The following SLC22A15 variants were observed in gnomAD, a reference collection of about 807,000 sequenced individuals.
SLC22A15 encodes the protein flipt 1.
In SLC22A15, 45 loss-of-function variants were observed where a neutral mutation model predicts 62.7. That is an observed-to-expected ratio of 0.72 (90% CI 0.56 to 0.92). SLC22A15 has a LOEUF of 0.92. Ranked by LOEUF, SLC22A15 falls within the 40% of genes least tolerant of loss-of-function variation. The pLI is 0.00. For synonymous variants in SLC22A15, 264 were observed against 267.0 expected (o/e 0.99, Z 0.11); for missense variants, 622 against 665.6 (o/e 0.93, Z 0.72).
At position 115,976,621 on chromosome 1, in the gene SLC22A15, G is replaced by A; in HGVS notation, c.-7G>A. The A allele has an allele frequency of 1.3e-6, 2 of 1,567,882 alleles. No homozygotes were observed. The highest frequency in any genetic ancestry group is 1.7e-6 in the Non-Finnish European group (2 of 1,161,294). Reference sequence around the variant, plus strand: ...TGGGGTGGCGGGGTTCCTGCGCGCGGCCCGCCATGGAGGTGGAGGAGGCGT... The same window carrying A: ...TGGGGTGGCGGGGTTCCTGCGCGCGACCCGCCATGGAGGTGGAGGAGGCGT... On this transcript the variant is annotated 5_prime_UTR_variant, in exon 1 of 12. Transcript: ENST00000369503.
intron 8 of SLC22A15, among the ~76,000 whole-genome samples, chr1:116,053,410 A>G (rs1440425873): frequency 1.3e-5 from 2 of 152,156 alleles, no homozygotes; most frequent in Non-Finnish European, 1.5e-5. Flanking sequence ...TATGTGAAAA[A>G]ACCAAATCTA....
rs1234635127 is a variant in SLC22A15, at chr1:116,067,710, T to G, written c.*602T>G. Reference sequence around the variant, plus strand: ...TCAGCTTGGTTCCCAGCCTGCTGATTGACTTGGGCTGCTGGTGCCTTGAGT... The same window carrying G: ...TCAGCTTGGTTCCCAGCCTGCTGATGGACTTGGGCTGCTGGTGCCTTGAGT... On this transcript the variant is annotated 3_prime_UTR_variant, in exon 12 of 12. Coordinates refer to ENST00000369503, the MANE Select transcript of SLC22A15 (RefSeq NM_018420.3). 6.6e-6 allele frequency: 1 copy of G among 152,454 alleles called. No individual in the cohort carries two copies. Among genetic ancestry groups the G allele is most frequent in the Non-Finnish European group, 1.5e-5 (1 of 68,296 alleles). 9.4% of individuals were successfully genotyped at this position (152,454 alleles called of 1,614,324 possible).
intron 1 of SLC22A15, among the ~76,000 whole-genome samples, chr1:115,986,517 G>T (rs1857234): frequency 0.23 from 34,373 of 152,086 alleles, 4,473 homozygotes; most frequent in East Asian, 0.48. Flanking sequence ...TGTTGAAGCC[G>T]TCAGAGAGAT....
At chr1:116,048,183 C>T (rs991398489) in intron 8 of SLC22A15, among the ~76,000 whole-genome samples, 16 of 152,144 alleles carry the variant, frequency 1.1e-4, no homozygotes, top group African/African-American at 3.9e-4. Flanking sequence ...AGGAAAACTT[C>T]CCTGGCCTTG....
chr1:116,037,427 C>T, intron 8 of SLC22A15, 39 bp downstream of exon 8: 2 of 1,397,502 alleles, frequency 1.4e-6, no homozygotes, highest in Non-Finnish European at 2.0e-6. Context: ...TTGAACAGTA[C>T]TTTCATTACA....
intron 2 of SLC22A15, 81 bp from the exon 3 acceptor site, chr1:116,019,501 G>T: frequency 7.3e-7 from 1 of 1,371,140 alleles, no homozygotes; most frequent in African/African-American, 1.5e-5. Flanking sequence ...AAATTCTGGT[G>T]TACAAGTTTT....
chr1:115,976,615 C>A lies in SLC22A15; in HGVS notation c.-13C>A. 3 of 1,564,428 alleles carry A rather than the reference C, an allele frequency of 1.9e-6. No individual in the cohort carries two copies. The highest frequency in any genetic ancestry group is 2.6e-6 in the Non-Finnish European group (3 of 1,159,818). Reference sequence around the variant, plus strand: ...GGGCGGTGGGGTGGCGGGGTTCCTGCGCGCGGCCCGCCATGGAGGTGGAGG... The same window carrying A: ...GGGCGGTGGGGTGGCGGGGTTCCTGAGCGCGGCCCGCCATGGAGGTGGAGG... On this transcript the variant is annotated 5_prime_UTR_variant, in exon 1 of 12. Coordinates refer to ENST00000369503, the MANE Select transcript of SLC22A15 (RefSeq NM_018420.3).
chr1:116,032,819 G>A lies in SLC22A15; in HGVS notation c.944+1238G>A, dbSNP rs115351669. The A allele has an allele frequency of 3.0e-3, 540 of 178,788 alleles. 4 individuals are homozygous for A. Among genetic ancestry groups the A allele is most frequent in the African/African-American group, 0.012 (522 of 42,038 alleles). The allele number at this position is 178,788 out of a possible 1,614,324, so 11.1% of individuals were successfully genotyped here. ...TTACAAAGTATGTTCAGGTACTTAG[G>A]GCTCCATAAAACTTTACATTTGTGT... On this transcript the variant is annotated intron_variant, in intron 6 of 11. Coordinates refer to ENST00000369503, the MANE Select transcript of SLC22A15 (RefSeq NM_018420.3).
chr1:116,019,211 G>A (rs921777207), intron 2 of SLC22A15, among the ~76,000 whole-genome samples: 1 of 152,190 alleles, frequency 6.6e-6, no homozygotes, highest in African/African-American at 2.4e-5. Flanking sequence ...CTTCATATAT[G>A]TCATATAGTG....
intron 6 of SLC22A15, 137 bp downstream of exon 6, chr1:116,031,718 T>G (rs1657407699): frequency 2.1e-6 from 3 of 1,459,350 alleles, no homozygotes; most frequent in Non-Finnish European, 2.7e-6. Context: ...ACAGCAAGTC[T>G]CCTGATCCTT....
intron 9 of SLC22A15, among the ~76,000 whole-genome samples, chr1:116,064,022 G>C (rs185989917): frequency 1.1e-3 from 165 of 152,226 alleles, no homozygotes; most frequent in African/African-American, 3.9e-3. Flanking sequence ...GTCTGTAGGA[G>C]ATCTAAGGCA....
At chr1:116,033,602 T>TGTTG (rs1657522136) in intron 6 of SLC22A15, among the ~76,000 whole-genome samples, 1 of 151,926 alleles carries the variant, frequency 6.6e-6, no homozygotes, top group Non-Finnish European at 1.5e-5. Flanking sequence ...TGTGTGTGTG[T>TGTTG]GGCTGGAATT....
In SLC22A15 at chr1:115,993,698, C is replaced by T. The variant is rs545961129; in HGVS notation, c.300+1455C>T. ...CAGCATTTCTGATTGCAATTCCTGA[C>T]GTTACTCTTCACTTAGAAACCTCCA... On this transcript the variant is annotated intron_variant, in intron 2 of 11. Coordinates refer to ENST00000369503, the MANE Select transcript of SLC22A15 (RefSeq NM_018420.3). 4.6e-5 allele frequency among the ~76,000 whole-genome samples: 7 copies of T among 152,206 alleles called. No homozygotes were observed. In the East Asian group the frequency reaches 7.7e-4, roughly 17 times the overall value.
Position 116,019,599 on chromosome 1 carries a change from C to G in SLC22A15, c.318C>G (p.Asn106Lys), listed in dbSNP as rs747048132. The change falls in exon 3 of 12, where the codon AAC becomes AAG. Residue 106 changes from asparagine (N) to lysine (K), a missense_variant. By Grantham distance (94) the Asn-to-Lys change is moderately conservative (BLOSUM62 0). Transcript: ENST00000369503. ...SIASEWFLIA[N>K]RSYKVSAASS... ...TCCTCTAGTGGTTTTTAATTGCCAA[C>G]AGATCCTACAAAGTCAGTGCAGCAA... 6 of 1,606,218 alleles carry G rather than the reference C, an allele frequency of 3.7e-6. No individual in the cohort carries two copies. In the South Asian group the frequency reaches 6.8e-5, roughly 18 times the overall value.
At chr1:116,028,549 A>T (rs2488431) in intron 5 of SLC22A15, among the ~76,000 whole-genome samples, 6,126 of 32,622 alleles carry the variant, frequency 0.19, 238 homozygotes, top group Non-Finnish European at 0.25. Flanking sequence ...TTTTTTTTTT[A>T]AAATATATAG....
At chr1:116,056,978 T>G (rs1207944348) in intron 8 of SLC22A15, among the ~76,000 whole-genome samples, 1 of 151,888 alleles carries the variant, frequency 6.6e-6, no homozygotes, top group Non-Finnish European at 1.5e-5. Context: ...GGCATTACCA[T>G]TCAGGACATA....
At chr1:116,019,752 C>A (rs768557869) in intron 3 of SLC22A15, 38 bp downstream of exon 3, 3 of 1,576,208 alleles carry the variant, frequency 1.9e-6, no homozygotes, top group Non-Finnish European at 2.6e-6. Flanking sequence ...GATGAGAGGG[C>A]TTATTTCTCT....
At position 115,978,379 on chromosome 1, in the gene SLC22A15, A is replaced by C. The variant is rs1050645885; in HGVS notation, c.87+1665A>C. Among the ~76,000 whole-genome samples, 3 of 152,216 alleles carry C rather than the reference A, an allele frequency of 2.0e-5. No individual in the cohort carries two copies. In the South Asian group the frequency reaches 6.2e-4, roughly 31 times the overall value. On this transcript the variant is annotated intron_variant, in intron 1 of 11. Coordinates refer to ENST00000369503, the MANE Select transcript of SLC22A15 (RefSeq NM_018420.3). The stretch of plus-strand genomic sequence containing the variant: ...TTATTTATGGTTGACCCAGTTAGTT[A>C]GAGTTTGCTATCAAAAAGTTCCAAG...
intron 8 of SLC22A15, among the ~76,000 whole-genome samples, chr1:116,048,799 A>G (rs1276266093): frequency 6.6e-6 from 1 of 152,242 alleles, no homozygotes; most frequent in Non-Finnish European, 1.5e-5. Context: ...CTTAAAAGAT[A>G]CAGAACTGCA....
Sources: gnomAD v4.1 joint callset for allele counts (sites outside exome capture counted in the v4.1 genomes callset) on GRCh38, gnomAD v4.1.1 for gene constraint, MANE v1.5 for transcripts, NCBI Gene and HGNC (gene_info 2026-07-23, HGNC 2026-07-21) for gene names.